Variants in ZKSCAN4 observed in about 807,000 individuals in gnomAD.
The protein encoded by ZKSCAN4 is zinc finger protein with KRAB and SCAN domains 4.
Under a neutral mutation model 30.8 loss-of-function variants are expected in ZKSCAN4, and 23 were observed. The observed-to-expected ratio is 0.75, with a 90% CI of 0.54 to 1.06. The LOEUF is 1.06. ZKSCAN4 is among the 50% of genes least tolerant of loss of function. ZKSCAN4 has a pLI of 0.00. For missense variants in ZKSCAN4, 556 were observed against 665.4 expected, an observed-to-expected ratio of 0.84 and a Z score of 1.81; for synonymous variants, 208 against 252.5, an observed-to-expected ratio of 0.82 and a Z score of 1.67.
In ZKSCAN4 at chr6:28,251,387, A is replaced by G; in HGVS notation, c.423+171T>C. On this transcript the variant is annotated intron_variant, in intron 1 of 4. Coordinates refer to ENST00000377294, the MANE Select transcript of ZKSCAN4 (RefSeq NM_019110.5). This position sits in a 1 kb window ranked among gnomAD's most constrained non-coding sequence, Gnocchi z 4.5. ...CCTTTATAGTTTCTTTATATATTTA[A>G]AAATATAATTCTGAGAAGGAGTCCA... is the stretch of plus-strand genomic sequence containing the variant. 1 of 983,896 alleles carries G rather than the reference A, an allele frequency of 1.0e-6. No individual in the cohort carries two copies. The allele number at this position is 983,896 out of a possible 1,614,324, so 60.9% of individuals were successfully genotyped here.
chr6:28,254,425 T>C (rs1398484313), upstream of ZKSCAN4, among the ~76,000 whole-genome samples: 1 of 152,244 alleles, frequency 6.6e-6, no homozygotes, highest in African/African-American at 2.4e-5. Flanking sequence ...CAATGGTAAC[T>C]GACATTGCAC....
the ZKSCAN4 span, among the ~76,000 whole-genome samples, chr6:28,259,001 G>A: frequency 6.6e-6 from 1 of 152,184 alleles, no homozygotes; most frequent in Non-Finnish European, 1.5e-5. Flanking sequence ...AGTTAAGGAG[G>A]TGGAAATGAA....
Position 28,245,920 on chromosome 6 carries a change from T to A in ZKSCAN4, c.834A>T (p.Glu278Asp), listed in dbSNP as rs758320482. ...RDLPPVKKLP[E>D]KEHGKICHLR... is the part of the protein sequence containing the mutation. ...GGTGGCATATCTTCCCATGCTCCTT[T>A]TCTGGAAGCTTCTTGACTGGAGGCA... is the stretch of plus-strand genomic sequence containing the variant. Residue 278 changes from glutamate (E) to aspartate (D), a missense_variant, in exon 5 of 5, where the codon GAA becomes GAT. Glu to Asp is a conservative substitution (Grantham distance 45). Coordinates refer to ENST00000377294, the MANE Select transcript of ZKSCAN4 (RefSeq NM_019110.5). The A allele has an allele frequency of 2.5e-6, 4 of 1,614,216 alleles. No homozygotes were observed. Among genetic ancestry groups the A allele is most frequent in the Non-Finnish European group, 3.4e-6 (4 of 1,180,032 alleles).
intron 1 of ZKSCAN4, among the ~76,000 whole-genome samples, chr6:28,250,191 C>G (rs1001704871): frequency 6.6e-6 from 1 of 152,064 alleles, no homozygotes; most frequent in Non-Finnish European, 1.5e-5. Flanking sequence ...CCTCAGCCTC[C>G]CTAGTAGCTG....
chr6:28,246,174 C>G (rs189323079), intron 4 of ZKSCAN4, 199 bp from the exon 5 acceptor site: 1 of 682,500 alleles, frequency 1.5e-6, no homozygotes, highest in African/African-American at 1.8e-5. Context: ...AGAATGGGGC[C>G]ATTGGAAGGG....
chr6:28,254,466 A>T (rs1347329605), upstream of ZKSCAN4, among the ~76,000 whole-genome samples: 1 of 152,212 alleles, frequency 6.6e-6, no homozygotes, highest in African/African-American at 2.4e-5. Flanking sequence ...GAGAGGTGAT[A>T]CTGCCTCTTC....
chr6:28,244,235 G>A lies in ZKSCAN4; in HGVS notation c.*881C>T, dbSNP rs1446892208. 6.6e-6 allele frequency among the ~76,000 whole-genome samples: 1 copy of A among 152,186 alleles called. No homozygotes were observed. Among genetic ancestry groups the A allele is most frequent in the Non-Finnish European group, 1.5e-5 (1 of 68,048 alleles). ...AAGATAACTAAAAGGTAAGAAACAA[G>A]ATGGTAAGTGTTACAGAATGTGTTC... On this transcript the variant is annotated 3_prime_UTR_variant, in exon 5 of 5. Transcript: ENST00000377294.
rs1157239551 is a variant in ZKSCAN4 at position 28,251,952 on chromosome 6, G to A, written c.29C>T (p.Ala10Val). 18 of 1,521,632 alleles carry A rather than the reference G, an allele frequency of 1.2e-5. No homozygotes were observed. The South Asian group carries it at 2.4e-4, about 20-fold the overall frequency. The allele number at this position is 1,521,632 out of a possible 1,614,324, so 94.3% of individuals were successfully genotyped here. The change falls in exon 1 of 5, where the codon GCC becomes GTC. Residue 10 changes from alanine to valine, a missense_variant. This residue lies in a region of ZKSCAN4 where 115 missense variants were observed against 125.9 expected (regional missense o/e 0.91). Coordinates refer to ENST00000377294, the MANE Select transcript of ZKSCAN4 (RefSeq NM_019110.5). This position sits in a 1 kb window ranked among gnomAD's most constrained non-coding sequence, Gnocchi z 4.5. MAREPRKNA[A>V]LDAQSAEDQT... ...GTCTTCTGCAGACTGGGCGTCCAGG[G>A]CTGCGTTTTTTCTCGGTTCTCTAGC... is the stretch of plus-strand genomic sequence containing the variant.
At position 28,245,335 on chromosome 6, in the gene ZKSCAN4, C is replaced by G; in HGVS notation, c.1419G>C (p.Arg473Ser). 6.2e-7 allele frequency: 1 copy of G among 1,614,206 alleles called. No individual in the cohort carries two copies. Residue 473 changes from arginine (R) to serine (S), a missense_variant, in exon 5 of 5, where the codon AGG becomes AGC. By Grantham distance (110) the Arg-to-Ser change is moderately radical. Around this residue, in one of 3 missense-constraint regions of ZKSCAN4, gnomAD observed 433 missense variants for 511.5 expected, o/e 0.85. Transcript: ENST00000377294. ...EHGESWESQG[R>S]TESQWENTEA... ...CAGTATTTTCCCACTGGCTTTCCGT[C>G]CTACCCTGACTTTCCCAGGACTCCC...
rs759269863 is a variant in ZKSCAN4 at position 28,245,177 on chromosome 6, C to T, written c.1577G>A (p.Arg526Gln). 26 of 1,613,986 alleles carry T rather than the reference C, an allele frequency of 1.6e-5. No individual in the cohort carries two copies. The highest frequency in any genetic ancestry group is 3.3e-5 in the Admixed American group (2 of 60,002). The change falls in exon 5 of 5, where the codon CGA (arginine) becomes CAA (glutamine). Residue 526 changes from arginine to glutamine, a missense_variant. Transcript: ENST00000377294. ...CTGATGTTGAACAAGGTATGAAGTT[C>T]GAGTGAAACCTTTTCCACATGTGTC... ...QCDTCGKGFT[R>Q]TSYLVQHQRS...
chr6:28,247,499 A>G (rs186173033), intron 3 of ZKSCAN4, among the ~76,000 whole-genome samples: 2 of 152,288 alleles, frequency 1.3e-5, no homozygotes, highest in Admixed American at 1.3e-4. Context: ...GGGGAAAAAA[A>G]GGATACTACA....
At chr6:28,259,207 C>G in the ZKSCAN4 span, 2 of 601,572 alleles carry the variant, frequency 3.3e-6, no homozygotes, top group East Asian at 2.9e-5. Context: ...CTTCACGCAG[C>G]CAAGGCCCGC....
At chr6:28,255,370 G>A (rs1016626803), upstream of ZKSCAN4, among the ~76,000 whole-genome samples, 9 of 152,134 alleles carry the variant, frequency 5.9e-5, no homozygotes, top group African/African-American at 1.7e-4. Flanking sequence ...GCATACCTAG[G>A]AGAGCTTGTC....
At chr6:28,252,355 C>CA (rs1379578331), upstream of ZKSCAN4, 1 of 162,678 alleles carries the variant, frequency 6.1e-6, no homozygotes, top group Non-Finnish European at 1.3e-5. Context: ...CGAATTAACC[C>CA]ATTAGCTACC....
rs1244849464 is a variant in ZKSCAN4, at chr6:28,249,935, T to G, written c.424-101A>C. 5.3e-6 allele frequency: 7 copies of G among 1,310,258 alleles called. No homozygotes were observed. In the African/African-American group the frequency reaches 1.0e-4, roughly 19 times the overall value. The allele number at this position is 1,310,258 out of a possible 1,614,324, so 81.2% of individuals were successfully genotyped here. On this transcript the variant is annotated intron_variant, in intron 1 of 4. Transcript: ENST00000377294. This position sits in a 1 kb window ranked among gnomAD's most constrained non-coding sequence, Gnocchi z 4.1. Reference sequence around the variant, plus strand: ...CACTGTTTCTACAAGCCTTATGATATTAACACAATTAATATAGATAACAAC... The same window carrying G: ...CACTGTTTCTACAAGCCTTATGATAGTAACACAATTAATATAGATAACAAC...
At position 28,245,758 on chromosome 6, in the gene ZKSCAN4, A is replaced by G; in HGVS notation, c.996T>C (p.Ser332=). The G allele has an allele frequency of 6.2e-7, 1 of 1,614,222 alleles. No individual in the cohort carries two copies. The highest frequency in any genetic ancestry group is 1.1e-5 in the South Asian group (1 of 91,082). ...CHECGKSFAQ[S]SGLTKHRRIH... The stretch of plus-strand genomic sequence containing the variant: ...TTCTCCTGTGTTTAGTCAGGCCTGA[A>G]CTTTGAGCAAAACTCTTTCCACATT... Residue 332 remains serine, a synonymous_variant, in exon 5 of 5, where the codon AGT becomes AGC. Transcript: ENST00000377294.
Position 28,249,694 on chromosome 6 carries a change from G to A in ZKSCAN4, c.564C>T (p.His188=), listed in dbSNP as rs759271938. 18 of 1,613,746 alleles carry A rather than the reference G, an allele frequency of 1.1e-5. No individual in the cohort carries two copies. The highest frequency in any genetic ancestry group is 2.2e-5 in the East Asian group (1 of 44,870). The stretch of plus-strand genomic sequence containing the variant: ...CCAGAAGAGAATACTCACCTCTATC[G>A]TGTAAGGGCTGGGATCCCAGAGATT... ...KHESLGSQPL[H]DRVLQVPGLA... The change falls in exon 2 of 5, where the codon CAC becomes CAT. Residue 188 remains histidine (H), a synonymous_variant. Transcript: ENST00000377294. This position sits in a 1 kb window ranked among gnomAD's most constrained non-coding sequence, Gnocchi z 4.1.
chr6:28,259,178 CCTA>C, the ZKSCAN4 span: 1 of 541,368 alleles, frequency 1.8e-6, no homozygotes, highest in Non-Finnish European at 3.3e-6. Context: ...CCTAATCCTA[CCTA>C]CTTCCCACAA....
chr6:28,254,333 A>C (rs1275482009), upstream of ZKSCAN4, among the ~76,000 whole-genome samples: 2 of 152,182 alleles, frequency 1.3e-5, no homozygotes, highest in African/African-American at 4.8e-5. Context: ...TTATGCAGAA[A>C]TTTCTAGAAA....
Sources: allele counts gnomAD v4.1 joint callset (sites outside exome capture counted in the v4.1 genomes callset), GRCh38; gene constraint gnomAD v4.1.1; regional missense constraint gnomAD v4.1.1; non-coding constraint Gnocchi (gnomAD v3.1); transcripts MANE v1.5; gene names NCBI Gene and HGNC (gene_info 2026-07-23, HGNC 2026-07-21).